Variants in SLC33A1 observed in about 807,000 individuals in gnomAD.
SLC33A1 encodes solute carrier family 33 member 1.
SLC33A1 carries 20 observed loss-of-function variants against 50.0 expected under a neutral mutation model. That is an observed-to-expected ratio of 0.40 (90% CI 0.28 to 0.58). The LOEUF (loss-of-function observed/expected upper bound fraction) is 0.58. Among genes scored for constraint, SLC33A1 ranks in the 20% least tolerant of loss-of-function variants. The probability of loss-of-function intolerance (pLI) is 0.44; values close to 1 mark genes in which losing one functional copy is unlikely to be tolerated. For missense variants in SLC33A1, 476 were observed against 657.0 expected, an observed-to-expected ratio of 0.72 and a Z score of 3.01; for synonymous variants, 265 against 251.8, an observed-to-expected ratio of 1.05 and a Z score of -0.50.
intron 1 of SLC33A1, among the ~76,000 whole-genome samples, chr3:155,843,825 A>G (rs963648156): frequency 2.6e-5 from 4 of 152,322 alleles, no homozygotes; most frequent in African/African-American, 9.6e-5. Context: ...CAAAACTTGT[A>G]TCTCATTAAC....
In SLC33A1 at chr3:155,821,132, C is replaced by A. The variant is rs1246237348; in HGVS notation, c.*7078G>T. 6.6e-6 allele frequency: 1 copy of A among 152,172 alleles called. No individual in the cohort carries two copies. Among genetic ancestry groups the A allele is most frequent in the Non-Finnish European group, 1.5e-5 (1 of 68,030 alleles). The allele number at this position is 152,172 out of a possible 1,614,324, so 9.4% of individuals were successfully genotyped here. ...ATATATTCCAAATACTTAAACACTG[C>A]ATAAATATTAAGGTTTAACACACAT... On this transcript the variant is annotated 3_prime_UTR_variant, in exon 6 of 6. Coordinates refer to ENST00000643144, the MANE Select transcript of SLC33A1 (RefSeq NM_004733.4).
rs781475632 is a variant in SLC33A1, at chr3:155,827,887, A to G, written c.*323T>C. 7 of 272,576 alleles carry G rather than the reference A, an allele frequency of 2.6e-5. No homozygotes were observed. Among genetic ancestry groups the G allele is most frequent in the Non-Finnish European group, 4.9e-5 (7 of 141,796 alleles). The allele number at this position is 272,576 out of a possible 1,614,324, so 16.9% of individuals were successfully genotyped here. On this transcript the variant is annotated 3_prime_UTR_variant, in exon 6 of 6. Coordinates refer to ENST00000643144, the MANE Select transcript of SLC33A1 (RefSeq NM_004733.4). ...GGTACTAATAACAATACCTGACTAC[A>G]TGGTTACCACCCGTGACTACTGCAT... is the stretch of plus-strand genomic sequence containing the variant.
rs1306492763 is a variant in SLC33A1 at position 155,823,165 on chromosome 3, C to T, written c.*5045G>A. ...GAATGAGTTCAGCACATTAATTAGTCTGCCCTGCTATAAGACCTGCCTCTT... is the reference window on the plus strand; with the variant it reads ...GAATGAGTTCAGCACATTAATTAGTTTGCCCTGCTATAAGACCTGCCTCTT... On this transcript the variant is annotated 3_prime_UTR_variant, in exon 6 of 6. Coordinates refer to ENST00000643144, the MANE Select transcript of SLC33A1 (RefSeq NM_004733.4). 6.6e-6 allele frequency: 1 copy of T among 152,136 alleles called. No individual in the cohort carries two copies. Among genetic ancestry groups the T allele is most frequent in the Non-Finnish European group, 1.5e-5 (1 of 68,028 alleles). The allele number at this position is 152,136 out of a possible 1,614,324, so 9.4% of individuals were successfully genotyped here.
intron 4 of SLC33A1, among the ~76,000 whole-genome samples, chr3:155,832,149 G>A (rs1752462640): frequency 6.6e-6 from 1 of 152,194 alleles, no homozygotes; most frequent in South Asian, 2.1e-4. Context: ...AGGCTGAGGC[G>A]GGTGGATCAC....
At chr3:155,836,301 A>AGG in intron 2 of SLC33A1, among the ~76,000 whole-genome samples, 3 of 145,552 alleles carry the variant, frequency 2.1e-5, no homozygotes, top group African/African-American at 7.7e-5. Flanking sequence ...AAAAAAAAAA[A>AGG]AAAAAAAAAA....
intron 2 of SLC33A1, among the ~76,000 whole-genome samples, chr3:155,835,524 A>G (rs1047757011): frequency 2.6e-5 from 4 of 152,200 alleles, no homozygotes; most frequent in Non-Finnish European, 5.9e-5. Context: ...CAGCTGAACC[A>G]ACAGAAAAGG....
Position 155,826,929 on chromosome 3 carries a change from A to G in SLC33A1, c.*1281T>C, listed in dbSNP as rs1472380494. 3 of 152,232 alleles carry G rather than the reference A, an allele frequency of 2.0e-5. No individual in the cohort carries two copies. The highest frequency in any genetic ancestry group is 2.9e-5 in the Non-Finnish European group (2 of 68,050). 9.4% of individuals were successfully genotyped at this position (152,232 alleles called of 1,614,324 possible). A position where few individuals can be genotyped will look rare whatever the true frequency, so the allele number is the denominator to read the frequency against. On this transcript the variant is annotated 3_prime_UTR_variant, in exon 6 of 6. Transcript: ENST00000643144. ...TTCGTCTAACTTTTGGAGGATTTAT[A>G]TAATCTCTAAAGAGTCAGAGTAATA...
At chr3:155,838,317 T>TAA (rs372537295) in intron 2 of SLC33A1, among the ~76,000 whole-genome samples, 1 of 138,218 alleles carries the variant, frequency 7.2e-6, no homozygotes, top group Non-Finnish European at 1.6e-5. Flanking sequence ...AAAAAAAACT[T>TAA]AAAAAAAAAA....
chr3:155,844,140 C>A (rs1390687920), intron 1 of SLC33A1, among the ~76,000 whole-genome samples: 1 of 152,054 alleles, frequency 6.6e-6, no homozygotes, highest in Non-Finnish European at 1.5e-5. Context: ...ACAGTTTGAA[C>A]CTCACTTACG....
chr3:155,835,180 A>C (rs901727830), intron 2 of SLC33A1, among the ~76,000 whole-genome samples: 1 of 152,228 alleles, frequency 6.6e-6, no homozygotes, highest in African/African-American at 2.4e-5. Flanking sequence ...ATTACTCTAA[A>C]GTATTTCAGA....
intron 2 of SLC33A1, among the ~76,000 whole-genome samples, chr3:155,839,095 C>A (rs1258677450): frequency 4.6e-5 from 7 of 151,650 alleles, no homozygotes; most frequent in South Asian, 4.2e-4. Context: ...TTGACACCAG[C>A]CTGATCAACA....
chr3:155,854,054 CGTCCA>C lies in SLC33A1; in HGVS notation c.-62_-58del. On this transcript the variant is annotated 5_prime_UTR_variant, in exon 1 of 6. Coordinates refer to ENST00000643144, the MANE Select transcript of SLC33A1 (RefSeq NM_004733.4). ...GGGCCGAGGCTGAGCGTTTTGGATC[CGTCCA>C]GTCCCAGGTCCAAGGCTGTCGCGCT... 7.0e-7 allele frequency: 1 copy of C among 1,426,084 alleles called. No homozygotes were observed. The allele number at this position is 1,426,084 out of a possible 1,614,324, so 88.3% of individuals were successfully genotyped here. A position where few individuals can be genotyped will look rare whatever the true frequency, so the allele number is the denominator to read the frequency against.
intron 1 of SLC33A1, among the ~76,000 whole-genome samples, chr3:155,850,974 T>C (rs1753374899): frequency 6.6e-6 from 1 of 150,914 alleles, no homozygotes. Context: ...CTGGGCGCAG[T>C]GGCTTACGCC....
intron 2 of SLC33A1, among the ~76,000 whole-genome samples, chr3:155,840,076 T>C (rs1289703371): frequency 1.3e-5 from 2 of 151,770 alleles, no homozygotes; most frequent in Admixed American, 1.3e-4. Context: ...TCAATACTGT[T>C]TTTTTTTAAT....
chr3:155,854,070 C>A lies in SLC33A1; in HGVS notation c.-73G>T. 1 of 1,296,900 alleles carries A rather than the reference C, an allele frequency of 7.7e-7. No homozygotes were observed. The highest frequency in any genetic ancestry group is 1.0e-6 in the Non-Finnish European group (1 of 954,674). 80.3% of individuals were successfully genotyped at this position (1,296,900 alleles called of 1,614,324 possible). A position where few individuals can be genotyped will look rare whatever the true frequency, so the allele number is the denominator to read the frequency against. On this transcript the variant is annotated 5_prime_UTR_variant, in exon 1 of 6. Coordinates refer to ENST00000643144, the MANE Select transcript of SLC33A1 (RefSeq NM_004733.4). The stretch of plus-strand genomic sequence containing the variant: ...TTTTGGATCCGTCCAGTCCCAGGTC[C>A]AAGGCTGTCGCGCTGGACCAGGGTT...
rs747119068 is a variant in SLC33A1 at position 155,825,763 on chromosome 3, T to C, written c.*2447A>G. The C allele has an allele frequency of 2.0e-5, 3 of 152,154 alleles. No individual in the cohort carries two copies. Among genetic ancestry groups the C allele is most frequent in the Non-Finnish European group, 2.9e-5 (2 of 68,030 alleles). The allele number at this position is 152,154 out of a possible 1,614,324, so 9.4% of individuals were successfully genotyped here. On this transcript the variant is annotated 3_prime_UTR_variant, in exon 6 of 6. Transcript: ENST00000643144. The stretch of plus-strand genomic sequence containing the variant: ...AACTGGAGGAGTTAAAAGTCCATAC[T>C]TGAAGGTACTGTTTAATTTATCAGG...
intron 4 of SLC33A1, among the ~76,000 whole-genome samples, chr3:155,832,821 C>T (rs536968605): frequency 1.3e-4 from 19 of 149,220 alleles, no homozygotes; most frequent in African/African-American, 4.7e-4. Flanking sequence ...ATTAGGAATT[C>T]AAGAAAGAAT....
chr3:155,829,610 T>C, intron 5 of SLC33A1, 78 bp downstream of exon 5: 1 of 1,021,808 alleles, frequency 9.8e-7, no homozygotes, highest in Admixed American at 1.8e-5. Flanking sequence ...AAAAAAGATA[T>C]AGTACTTCTA....
intron 2 of SLC33A1, among the ~76,000 whole-genome samples, chr3:155,838,876 C>T (rs1211125267): frequency 2.0e-5 from 3 of 150,238 alleles, no homozygotes; most frequent in Non-Finnish European, 3.0e-5. Context: ...AGGCCGGGTG[C>T]GGTGGCTCAC....
Sources: allele counts gnomAD v4.1 joint callset (sites outside exome capture counted in the v4.1 genomes callset), GRCh38; gene constraint gnomAD v4.1.1; transcripts MANE v1.5; gene names NCBI Gene and HGNC (gene_info 2026-07-23, HGNC 2026-07-21).